KIAA1217: variants seen among roughly 807,000 people sequenced by gnomAD.
KIAA1217 encodes sickle tail protein homolog.
KIAA1217 carries 88 observed loss-of-function variants against 163.9 expected under a neutral mutation model. The observed-to-expected ratio is 0.54, with a 90% CI of 0.45 to 0.64. The LOEUF is 0.64. KIAA1217 is among the 30% of genes least tolerant of loss of function. The pLI, the probability that KIAA1217 is intolerant of heterozygous loss-of-function variation, is 0.00. For missense variants in KIAA1217, 2,372 were observed against 2,475.0 expected (o/e 0.96, Z 0.88); for synonymous variants, 903 against 923.1 (o/e 0.98, Z 0.39).
intron 1 of KIAA1217, among the ~76,000 whole-genome samples, chr10:24,006,460 C>T (rs1330408634): frequency 1.3e-5 from 2 of 152,148 alleles, no homozygotes; most frequent in Admixed American, 6.5e-5. Context: ...TGTGAGCCCC[C>T]AGTTTTCTGG....
At chr10:24,373,791 T>C (rs762259452) in intron 2 of KIAA1217, among the ~76,000 whole-genome samples, 4 of 152,148 alleles carry the variant, frequency 2.6e-5, no homozygotes, top group Non-Finnish European at 4.4e-5. Flanking sequence ...CCTGCCTGGC[T>C]CACTTCGCTC....
At chr10:24,017,040 G>GTTTTTTTTTTTTTT (rs35042335) in intron 2 of KIAA1217, among the ~76,000 whole-genome samples, 51 of 130,202 alleles carry the variant, frequency 3.9e-4, no homozygotes, top group East Asian at 1.5e-3. Flanking sequence ...TAGTTTTTTT[G>GTTTTTTTTTTTTTT]TTTTTTTTTT....
At chr10:23,737,808 A>G (rs766883092) in intron 1 of KIAA1217, among the ~76,000 whole-genome samples, 9 of 151,802 alleles carry the variant, frequency 5.9e-5, no homozygotes, top group African/African-American at 1.2e-4. Flanking sequence ...TTCAGTGCCC[A>G]TTGACAGTTA....
intron 2 of KIAA1217, among the ~76,000 whole-genome samples, chr10:24,272,006 T>C (rs867670593): frequency 3.3e-5 from 5 of 152,032 alleles, no homozygotes; most frequent in African/African-American, 1.2e-4. Flanking sequence ...CCAAAGCCCA[T>C]GGGATGCTCG....
intron 1 of KIAA1217, among the ~76,000 whole-genome samples, chr10:24,214,972 C>T (rs569153159): frequency 1.3e-5 from 2 of 152,348 alleles, no homozygotes; most frequent in South Asian, 2.1e-4. Context: ...AGAAGCTGGC[C>T]TTGGCAGCGC....
chr10:24,474,174 T>C, intron 6 of KIAA1217, 114 bp downstream of exon 6: 1 of 754,510 alleles, frequency 1.3e-6, no homozygotes, highest in Non-Finnish European at 2.1e-6. Flanking sequence ...CTCTGCAGCA[T>C]GTCCTGTGGA....
At chr10:24,160,665 CAA>C (rs1203014222) in intron 2 of KIAA1217, among the ~76,000 whole-genome samples, 1 of 152,058 alleles carries the variant, frequency 6.6e-6, no homozygotes, top group Non-Finnish European at 1.5e-5. Context: ...AACTAAATGC[CAA>C]GAGTCCTATA....
chr10:23,765,885 C>T (rs1408464997), intron 1 of KIAA1217, among the ~76,000 whole-genome samples: 2 of 152,168 alleles, frequency 1.3e-5, no homozygotes, highest in African/African-American at 4.8e-5. Context: ...ACTAATACAT[C>T]CATTAAACAT....
chr10:23,910,160 G>C (rs987660747), intron 1 of KIAA1217, among the ~76,000 whole-genome samples: 1 of 151,958 alleles, frequency 6.6e-6, no homozygotes, highest in Non-Finnish European at 1.5e-5. Context: ...GGGCGTGGGG[G>C]CTGGGGAAGG....
chr10:23,893,556 C>T (rs987787981), intron 1 of KIAA1217, among the ~76,000 whole-genome samples: 1 of 151,950 alleles, frequency 6.6e-6, no homozygotes, highest in African/African-American at 2.4e-5. Context: ...TTTGCTCTTG[C>T]TTTTCTAGTT....
chr10:24,495,157 A>T lies in KIAA1217; in HGVS notation c.1795A>T (p.Met599Leu). Reference protein sequence around the residue: ...YSKDASSEKMMKTTANRNHTD... With the variant: ...YSKDASSEKMLKTTANRNHTD... ...TTTTCTTTTATTCAGCGAGAAAATG[A>T]TGAAAACCACAGCCAACAGGAACCA... The change falls in exon 8 of 21, where the codon ATG (methionine) becomes TTG (leucine). Residue 599 changes from methionine (M) to leucine (L), a missense_variant. Transcript: ENST00000376454. The T allele has an allele frequency of 6.2e-7, 1 of 1,612,630 alleles. No individual in the cohort carries two copies. The highest frequency in any genetic ancestry group is 1.7e-5 in the Admixed American group (1 of 59,818).
In KIAA1217 at chr10:24,476,894, C is replaced by A. The variant is rs147613588; in HGVS notation, c.1679+2834C>A. On this transcript the variant is annotated intron_variant, in intron 6 of 20. Coordinates refer to ENST00000376454, the MANE Select transcript of KIAA1217 (RefSeq NM_019590.5). ...ACAGACACACGACACACACACAAGA[C>A]AGACACACCTACACATTCTCTCTAC... Among the ~76,000 whole-genome samples the A allele has an allele frequency of 5.3e-5, 8 of 152,134 alleles. No homozygotes were observed. The East Asian group carries it at 1.5e-3, about 29-fold the overall frequency.
chr10:24,039,739 T>C (rs1848547960), intron 2 of KIAA1217, among the ~76,000 whole-genome samples: 1 of 152,176 alleles, frequency 6.6e-6, no homozygotes, highest in Admixed American at 6.5e-5. Flanking sequence ...GAGGAATATA[T>C]ATACATATTT....
chr10:23,909,246 G>A (rs1020351813), intron 1 of KIAA1217, among the ~76,000 whole-genome samples: 2 of 152,006 alleles, frequency 1.3e-5, no homozygotes, highest in African/African-American at 4.8e-5. Flanking sequence ...TACAAATTGG[G>A]TGCAGTGTAT....
chr10:24,021,243 A>G (rs953136229), intron 2 of KIAA1217, among the ~76,000 whole-genome samples: 1 of 151,986 alleles, frequency 6.6e-6, no homozygotes, highest in Non-Finnish European at 1.5e-5. Flanking sequence ...TTAATAAGCA[A>G]CTATAGCAAG....
Position 24,214,206 on chromosome 10 carries a change from C to A in KIAA1217, c.70+4943C>A, listed in dbSNP as rs546536888. Among the ~76,000 whole-genome samples the A allele has an allele frequency of 1.1e-4, 17 of 152,202 alleles. No individual in the cohort carries two copies. In the East Asian group the frequency reaches 3.1e-3, roughly 28 times the overall value. On this transcript the variant is annotated intron_variant, in intron 1 of 20. Coordinates refer to ENST00000376454, the MANE Select transcript of KIAA1217 (RefSeq NM_019590.5). The stretch of plus-strand genomic sequence containing the variant: ...AAGGGAGCTTGAAAACTGAGGGATG[C>A]TGTAGGATTCTGCGGCCTGCTAACC...
At chr10:24,127,399 C>CAA (rs1420865332) in intron 2 of KIAA1217, among the ~76,000 whole-genome samples, 1 of 152,040 alleles carries the variant, frequency 6.6e-6, no homozygotes, top group Non-Finnish European at 1.5e-5. Flanking sequence ...TGAAATCGTG[C>CAA]AAATGTCTTT....
chr10:24,415,181 C>T (rs976800803), intron 3 of KIAA1217, among the ~76,000 whole-genome samples: 4 of 143,466 alleles, frequency 2.8e-5, no homozygotes, highest in East Asian at 2.1e-4. Context: ...GTGGAGTGAT[C>T]TCGGCTCACT....
At chr10:24,513,489 A>G (rs1220551907) in intron 10 of KIAA1217, 55 bp downstream of exon 10, 2 of 1,559,318 alleles carry the variant, frequency 1.3e-6, no homozygotes, top group Non-Finnish European at 1.8e-6. Flanking sequence ...GAAAATTATC[A>G]TTACTAAGAA....
Sources: allele counts gnomAD v4.1 joint callset (sites outside exome capture counted in the v4.1 genomes callset), GRCh38; gene constraint gnomAD v4.1.1; transcripts MANE v1.5; gene names NCBI Gene and HGNC (gene_info 2026-07-23, HGNC 2026-07-21).